SIRPA: variants seen among roughly 807,000 people sequenced by gnomAD.
SIRPA encodes tyrosine-protein phosphatase non-receptor type substrate 1.
In SIRPA, 9 loss-of-function variants were observed where a neutral mutation model predicts 50.3. The observed-to-expected ratio is 0.18, with a 90% CI of 0.11 to 0.31. The LOEUF (loss-of-function observed/expected upper bound fraction) is 0.31. Ranked by LOEUF, SIRPA falls within the 10% of genes least tolerant of loss-of-function variation. The probability of loss-of-function intolerance (pLI) is 1.00; values close to 1 mark genes in which losing one functional copy is unlikely to be tolerated. For missense variants in SIRPA, 474 were observed against 661.6 expected (o/e 0.72, Z 3.11); for synonymous variants, 265 against 284.1 (o/e 0.93, Z 0.68).
At chr20:1,910,792 T>C (rs1208011757) in intron 1 of SIRPA, among the ~76,000 whole-genome samples, 1 of 152,204 alleles carries the variant, frequency 6.6e-6, no homozygotes, top group Non-Finnish European at 1.5e-5. Flanking sequence ...AAAAACCTCA[T>C]GAGGTTTAGA....
rs142484458 is a variant in SIRPA at position 1,935,900 on chromosome 20, G to C, written c.1266+1146G>C. Among the ~76,000 whole-genome samples, 197 of 152,322 alleles carry C rather than the reference G, an allele frequency of 1.3e-3. 1 individual carries two copies. The highest frequency in any genetic ancestry group is 6.8e-3 in the Middle Eastern group (2 of 294). On this transcript the variant is annotated intron_variant, in intron 7 of 7. Transcript: ENST00000358771. ...AGACAGAAGCAAATGAGAGCACGCAGGGCTCAGGACAGAGGAGCTGTGTGC... is the reference window on the plus strand; with the variant it reads ...AGACAGAAGCAAATGAGAGCACGCACGGCTCAGGACAGAGGAGCTGTGTGC...
intron 1 of SIRPA, among the ~76,000 whole-genome samples, chr20:1,911,483 C>T (rs537758122): frequency 5.9e-5 from 9 of 152,248 alleles, no homozygotes; most frequent in African/African-American, 2.2e-4. Flanking sequence ...ATATGACCAC[C>T]GTTTTCATGG....
At chr20:1,903,024 AAAAAAAAAG>A in intron 1 of SIRPA, among the ~76,000 whole-genome samples, 1 of 132,910 alleles carries the variant, frequency 7.5e-6, no homozygotes, top group East Asian at 2.0e-4. Flanking sequence ...AAAAAAAAAA[AAAAAAAAAG>A]AAAAGAAAGA....
At chr20:1,925,954 T>A (rs1458365543) in intron 5 of SIRPA, among the ~76,000 whole-genome samples, 2 of 152,216 alleles carry the variant, frequency 1.3e-5, no homozygotes, top group Admixed American at 6.5e-5. Flanking sequence ...ATTTTCTTTT[T>A]TGTCATATTC....
chr20:1,929,954 C>T (rs1380420172), intron 6 of SIRPA, among the ~76,000 whole-genome samples: 1 of 152,152 alleles, frequency 6.6e-6, no homozygotes, highest in Non-Finnish European at 1.5e-5. Context: ...CCCCTGTCCT[C>T]ACATTTCACG....
rs137891767 is a variant in SIRPA at position 1,921,088 on chromosome 20, G to A, written c.437-307G>A. Among the ~76,000 whole-genome samples, 123 of 152,300 alleles carry A rather than the reference G, an allele frequency of 8.1e-4. 1 individual carries two copies. In the South Asian group the frequency reaches 0.011, roughly 13 times the overall value. Reference sequence around the variant, plus strand: ...GTTAATACCAAGGATGAGATGGATCGTTAATTTTGATCCTGTGCCCAAATT... The same window carrying A: ...GTTAATACCAAGGATGAGATGGATCATTAATTTTGATCCTGTGCCCAAATT... On this transcript the variant is annotated intron_variant, in intron 2 of 7. Coordinates refer to ENST00000358771, the MANE Select transcript of SIRPA (RefSeq NM_001040023.2).
rs1053013525 is a variant in SIRPA, at chr20:1,928,712, A to C, written c.1226+813A>C. Among the ~76,000 whole-genome samples the C allele has an allele frequency of 1.3e-5, 2 of 152,112 alleles. No homozygotes were observed. Among genetic ancestry groups the C allele is most frequent in the Non-Finnish European group, 2.9e-5 (2 of 68,016 alleles). On this transcript the variant is annotated intron_variant, in intron 6 of 7. Transcript: ENST00000358771. The surrounding 1 kb of genome is among the most constrained non-coding windows in gnomAD (Gnocchi z 4.9). ...AACGGGTGCCTGAAACTAGTGAGCT[A>C]TGTTGGACAGGAGCATGCTGGGCCA...
At chr20:1,935,834 T>C (rs1475999931) in intron 7 of SIRPA, among the ~76,000 whole-genome samples, 2 of 152,166 alleles carry the variant, frequency 1.3e-5, no homozygotes, top group Admixed American at 1.3e-4. Context: ...GTGCCAGCCC[T>C]GGCCAGGGAG....
chr20:1,903,828 G>T (rs967358876), intron 1 of SIRPA, among the ~76,000 whole-genome samples: 7 of 152,072 alleles, frequency 4.6e-5, no homozygotes, highest in African/African-American at 1.7e-4. Context: ...TCTATCACTG[G>T]GCCAAATCTG....
At chr20:1,921,276 T>G (rs1055993778) in intron 2 of SIRPA, 119 bp from the exon 3 acceptor site, 1 of 1,555,286 alleles carries the variant, frequency 6.4e-7, no homozygotes, top group Non-Finnish European at 8.7e-7. Context: ...TCATTAATCC[T>G]TCCACATTAT....
intron 1 of SIRPA, among the ~76,000 whole-genome samples, chr20:1,909,294 A>T (rs987821110): frequency 6.6e-6 from 1 of 152,124 alleles, no homozygotes; most frequent in African/African-American, 2.4e-5. Context: ...CTTCCGGGGG[A>T]TGGGCAAGCT....
At chr20:1,905,182 T>C (rs1984473325) in intron 1 of SIRPA, among the ~76,000 whole-genome samples, 2 of 152,248 alleles carry the variant, frequency 1.3e-5, no homozygotes, top group African/African-American at 4.8e-5. Flanking sequence ...GGCAGTGTGC[T>C]GAAACCCTGG....
intron 1 of SIRPA, among the ~76,000 whole-genome samples, chr20:1,903,011 C>CAAAAAAAAAAAAAAAAAAAAAAAA (rs58735842): frequency 1.1e-5 from 1 of 90,886 alleles, no homozygotes; most frequent in Non-Finnish European, 2.2e-5. Flanking sequence ...GACTCTGTCT[C>CAAAAAAAAAAAAAAAAAAAAAAAA]AAAAAAAAAA....
rs778466199 is a variant in SIRPA at position 1,913,255 on chromosome 20, A to G, written c.80-1844A>G. 5.9e-4 allele frequency among the ~76,000 whole-genome samples: 90 copies of G among 152,196 alleles called. 1 individual carries two copies. Among genetic ancestry groups the G allele is most frequent in the Non-Finnish European group, 9.8e-4 (67 of 68,026 alleles). On this transcript the variant is annotated intron_variant, in intron 1 of 7. Transcript: ENST00000358771. ...CACCTGCCATGAGAACCGGGCCCCA[A>G]GGGTGATCCCTTGCCAGAGTCAAGA...
intron 6 of SIRPA, among the ~76,000 whole-genome samples, chr20:1,931,542 A>G (rs1365014568): frequency 6.6e-6 from 1 of 152,120 alleles, no homozygotes; most frequent in African/African-American, 2.4e-5. Flanking sequence ...GCTCCCTTTC[A>G]TCTCTCTAAA....
intron 1 of SIRPA, among the ~76,000 whole-genome samples, chr20:1,899,363 T>C (rs1026811142): frequency 2.3e-4 from 35 of 152,260 alleles, no homozygotes; most frequent in Non-Finnish European, 3.8e-4. Flanking sequence ...TGCTGGCTAC[T>C]CAGCCACACG....
intron 1 of SIRPA, among the ~76,000 whole-genome samples, chr20:1,914,514 T>C (rs1985105165): frequency 6.6e-6 from 1 of 151,748 alleles, no homozygotes; most frequent in African/African-American, 2.4e-5. Context: ...GGCTCAGTCC[T>C]GGGTTCCAGG....
chr20:1,917,037 C>G (rs1985347630), intron 2 of SIRPA, among the ~76,000 whole-genome samples: 1 of 152,186 alleles, frequency 6.6e-6, no homozygotes, highest in Admixed American at 6.5e-5. Context: ...ACAATCACAG[C>G]AAATACGTGG....
rs1047478928 is a variant in SIRPA, at chr20:1,934,935, T to C, written c.1266+181T>C. 2.0e-5 allele frequency among the ~76,000 whole-genome samples: 3 copies of C among 152,140 alleles called. No homozygotes were observed. Among genetic ancestry groups the C allele is most frequent in the African/African-American group, 7.2e-5 (3 of 41,432 alleles). On this transcript the variant is annotated intron_variant, in intron 7 of 7. Coordinates refer to ENST00000358771, the MANE Select transcript of SIRPA (RefSeq NM_001040023.2). The surrounding 1 kb of genome is among the most constrained non-coding windows in gnomAD (Gnocchi z 4.6). The stretch of plus-strand genomic sequence containing the variant: ...TCCTTCTCTCTACTGCAGCCAAGAG[T>C]GGCTGTTGCAGCCTCATGACTCAGT...
Sources: allele counts gnomAD v4.1 joint callset (sites outside exome capture counted in the v4.1 genomes callset), GRCh38; gene constraint gnomAD v4.1.1; non-coding constraint Gnocchi (gnomAD v3.1); transcripts MANE v1.5; gene names NCBI Gene and HGNC (gene_info 2026-07-23, HGNC 2026-07-21).